Variants in WWTR1 observed in about 807,000 individuals in gnomAD.
WWTR1 encodes the protein WW domain-containing transcription regulator protein 1.
WWTR1 carries 13 observed loss-of-function variants against 40.1 expected under a neutral mutation model. The observed-to-expected ratio is 0.32, with a 90% confidence interval of 0.21 to 0.52. The LOEUF (loss-of-function observed/expected upper bound fraction) is 0.52, where lower values mean the gene tolerates loss of function less well. WWTR1 is among the 20% of genes least tolerant of loss of function. The pLI is 0.97. For missense variants in WWTR1, 436 were observed against 523.1 expected (o/e 0.83, Z 1.63); for synonymous variants, 230 against 210.1 (o/e 1.09, Z -0.82).
chr3:149,666,785 C>T (rs975203027), intron 2 of WWTR1, among the ~76,000 whole-genome samples: 63 of 152,186 alleles, frequency 4.1e-4, no homozygotes, highest in African/African-American at 1.4e-3. Flanking sequence ...AGTATCTCTC[C>T]GGCTTTCAAA....
intron 4 of WWTR1, among the ~76,000 whole-genome samples, chr3:149,536,174 G>A (rs1210624963): frequency 6.6e-6 from 1 of 152,078 alleles, no homozygotes; most frequent in African/African-American, 2.4e-5. Flanking sequence ...AAGGGGCTGG[G>A]GTCTGTTGTT....
At chr3:149,576,048 G>A (rs1002999830) in intron 2 of WWTR1, 4 of 456,556 alleles carry the variant, frequency 8.8e-6, no homozygotes, top group Non-Finnish European at 1.8e-5. Context: ...TTCCCCAAAG[G>A]CTGGAGTACA....
intron 2 of WWTR1, among the ~76,000 whole-genome samples, chr3:149,632,311 C>T (rs562296200): frequency 3.3e-5 from 5 of 152,326 alleles, no homozygotes; most frequent in African/African-American, 1.2e-4. Context: ...TAGTTTCTAG[C>T]ATAGCTCTGA....
intron 2 of WWTR1, among the ~76,000 whole-genome samples, chr3:149,590,972 G>A (rs1738688251): frequency 1.3e-5 from 2 of 149,640 alleles, no homozygotes; most frequent in South Asian, 2.1e-4. Context: ...GAGTCACACA[G>A]TATGTCAACT....
At chr3:149,690,019 G>A (rs1194555431) in intron 1 of WWTR1, among the ~76,000 whole-genome samples, 1 of 152,090 alleles carries the variant, frequency 6.6e-6, no homozygotes, top group African/African-American at 2.4e-5. Flanking sequence ...CCCTTGGCTT[G>A]TTAGTTTCTT....
intron 3 of WWTR1, among the ~76,000 whole-genome samples, chr3:149,562,909 G>A (rs879439149): frequency 2.0e-5 from 3 of 152,094 alleles, no homozygotes; most frequent in Non-Finnish European, 4.4e-5. Context: ...ACAGGCGGGA[G>A]CAATATTACC....
At chr3:149,599,832 AAG>A (rs1423851407) in intron 2 of WWTR1, among the ~76,000 whole-genome samples, 1 of 152,228 alleles carries the variant, frequency 6.6e-6, no homozygotes, top group East Asian at 1.9e-4. Flanking sequence ...TCAAAATTCC[AAG>A]AGTTTGAGAC....
In WWTR1 at chr3:149,520,485, A is replaced by T. The variant is rs1734991980; in HGVS notation, c.*320T>A. The T allele has an allele frequency of 4.9e-6, 1 of 203,580 alleles. No individual in the cohort carries two copies. The highest frequency in any genetic ancestry group is 2.3e-5 in the African/African-American group (1 of 43,612). The allele number at this position is 203,580 out of a possible 1,614,324, so 12.6% of individuals were successfully genotyped here. On this transcript the variant is annotated 3_prime_UTR_variant, in exon 7 of 7. Coordinates refer to ENST00000360632, the MANE Select transcript of WWTR1 (RefSeq NM_015472.6). The stretch of plus-strand genomic sequence containing the variant: ...AATTGGTGTATAAATTTCAATTAAC[A>T]CCCATAAAGCTTAGCCATGGGGCAG...
intron 5 of WWTR1, among the ~76,000 whole-genome samples, chr3:149,713,817 C>A (rs1715531971): frequency 6.6e-6 from 1 of 152,188 alleles, no homozygotes; most frequent in Non-Finnish European, 1.5e-5. Flanking sequence ...CGGTGTGACC[C>A]CTGTGGCACG....
chr3:149,628,494 T>G (rs1194781046), intron 2 of WWTR1, among the ~76,000 whole-genome samples: 1 of 152,184 alleles, frequency 6.6e-6, no homozygotes, highest in Non-Finnish European at 1.5e-5. Context: ...GAAGTCAAAT[T>G]TTGGCTCTTG....
intron 5 of WWTR1, among the ~76,000 whole-genome samples, chr3:149,710,388 C>T (rs1161617363): frequency 6.6e-6 from 1 of 152,142 alleles, no homozygotes; most frequent in Non-Finnish European, 1.5e-5. Flanking sequence ...TTGTGAATCA[C>T]ACTGCCTAGG....
intron 1 of WWTR1, among the ~76,000 whole-genome samples, chr3:149,682,087 T>G (rs1374521110): frequency 6.6e-6 from 1 of 152,124 alleles, no homozygotes. Context: ...TAAAAAAAGA[T>G]CAACTTTCTG....
chr3:149,652,503 G>A (rs1383859107), intron 2 of WWTR1, among the ~76,000 whole-genome samples: 1 of 150,634 alleles, frequency 6.6e-6, no homozygotes, highest in East Asian at 2.0e-4. Flanking sequence ...CAAACCTATA[G>A]TCGTAGTTAC....
At chr3:149,538,167 G>A (rs187181764) in intron 4 of WWTR1, among the ~76,000 whole-genome samples, 85 of 152,164 alleles carry the variant, frequency 5.6e-4, no homozygotes, top group African/African-American at 1.7e-3. Context: ...TGATCTGCCC[G>A]CCTTGGCTTC....
chr3:149,711,509 C>A (rs951866295), intron 5 of WWTR1, among the ~76,000 whole-genome samples: 1 of 152,088 alleles, frequency 6.6e-6, no homozygotes, highest in Non-Finnish European at 1.5e-5. Flanking sequence ...TTATAAAGAA[C>A]AATCTAGCCA....
At chr3:149,601,586 G>A (rs1464573800) in intron 2 of WWTR1, among the ~76,000 whole-genome samples, 1 of 152,038 alleles carries the variant, frequency 6.6e-6, no homozygotes, top group African/African-American at 2.4e-5. Flanking sequence ...CAATCCCCTT[G>A]GGAACTTCCT....
intron 2 of WWTR1, among the ~76,000 whole-genome samples, chr3:149,578,783 G>A (rs1303340337): frequency 6.6e-6 from 1 of 152,074 alleles, no homozygotes; most frequent in Non-Finnish European, 1.5e-5. Context: ...GGGAGGCAGA[G>A]GCAAGAGAAA....
chr3:149,697,808 A>G (rs915668676), intron 1 of WWTR1, among the ~76,000 whole-genome samples: 1 of 152,258 alleles, frequency 6.6e-6, no homozygotes, highest in Non-Finnish European at 1.5e-5. Flanking sequence ...AAAACAAGTT[A>G]TTGAATTCAA....
At chr3:149,530,853 G>A (rs1334476899) in intron 4 of WWTR1, among the ~76,000 whole-genome samples, 1 of 151,952 alleles carries the variant, frequency 6.6e-6, no homozygotes, top group Non-Finnish European at 1.5e-5. Flanking sequence ...GTCTGTAGGG[G>A]GCTCACAGTA....
Sources: allele counts gnomAD v4.1 joint callset (sites outside exome capture counted in the v4.1 genomes callset), GRCh38; gene constraint gnomAD v4.1.1; transcripts MANE v1.5; gene names NCBI Gene and HGNC (gene_info 2026-07-23, HGNC 2026-07-21).